Variants in ALMS1 observed in about 807,000 individuals in gnomAD.
ALMS1 encodes ALMS1 centrosome and basal body associated protein.
In ALMS1, 271 loss-of-function variants were observed where a neutral mutation model predicts 352.2. The ratio of observed to expected loss-of-function variants is 0.77; its 90% CI spans 0.70 to 0.85. The LOEUF (loss-of-function observed/expected upper bound fraction) is 0.85, where lower values mean the gene tolerates loss of function less well. ALMS1 is among the 40% of genes least tolerant of loss of function. The pLI, the probability that ALMS1 is intolerant of heterozygous loss-of-function variation, is 0.00. For synonymous variants in ALMS1, 1,865 were observed against 1,761.2 expected, an observed-to-expected ratio of 1.06 and a Z score of -1.48; for missense variants, 5,445 against 4,870.7, an observed-to-expected ratio of 1.12 and a Z score of -3.51.
chr2:73,597,622 T>G (rs1378650880), intron 16 of ALMS1, among the ~76,000 whole-genome samples: 1 of 152,228 alleles, frequency 6.6e-6, no homozygotes, highest in Non-Finnish European at 1.5e-5. Flanking sequence ...GTGTTTTATA[T>G]TTTACCATCT....
intron 13 of ALMS1, among the ~76,000 whole-genome samples, chr2:73,553,677 T>G (rs1453782302): frequency 6.6e-6 from 1 of 152,206 alleles, no homozygotes. Context: ...ATACTAAATA[T>G]AAACTTAATT....
At chr2:73,509,425 C>T (rs1278543499) in intron 10 of ALMS1, among the ~76,000 whole-genome samples, 1 of 152,038 alleles carries the variant, frequency 6.6e-6, no homozygotes, top group Non-Finnish European at 1.5e-5. Context: ...TTTAGTGCTT[C>T]CTTCAGGAGG....
intron 9 of ALMS1, among the ~76,000 whole-genome samples, chr2:73,465,848 A>G (rs890469402): frequency 1.3e-5 from 2 of 152,254 alleles, no homozygotes; most frequent in Non-Finnish European, 2.9e-5. Flanking sequence ...ACTTCTCAAA[A>G]GAAGACATTT....
At position 73,490,045 on chromosome 2, in the gene ALMS1, T is replaced by G; in HGVS notation, c.8086T>G (p.Phe2696Val). Reference sequence around the variant, plus strand: ...TTTTGTGCCACCTAAAGAAGTGGATTTTCATTCTTCATCACAAATGCCGTC... The same window carrying G: ...TTTTGTGCCACCTAAAGAAGTGGATGTTCATTCTTCATCACAAATGCCGTC... ...PAFVPPKEVDFHSSSQMPSPE... is the reference protein window; with the variant it reads ...PAFVPPKEVDVHSSSQMPSPE... The change falls in exon 10 of 23, where the codon TTT becomes GTT. Residue 2696 changes from phenylalanine (F) to valine (V), a missense_variant. By Grantham distance (50) the Phe-to-Val change is conservative. Coordinates refer to ENST00000613296, the MANE Select transcript of ALMS1 (RefSeq NM_001378454.1). 1 of 1,614,188 alleles carries G rather than the reference T, an allele frequency of 6.2e-7. No individual in the cohort carries two copies. The highest frequency in any genetic ancestry group is 8.5e-7 in the Non-Finnish European group (1 of 1,180,032).
At position 73,573,277 on chromosome 2, in the gene ALMS1, C is replaced by A; in HGVS notation, c.11400C>A (p.Cys3800Ter). 1.2e-6 allele frequency: 2 copies of A among 1,614,046 alleles called. No individual in the cohort carries two copies. Among genetic ancestry groups the A allele is most frequent in the Non-Finnish European group, 1.7e-6 (2 of 1,179,962 alleles). Reference sequence around the variant, plus strand: ...AAGCTTTTGGCCATGAAAGAGTATGCTTGTCACCCAGACGAATTAAATTAT... The same window carrying A: ...AAGCTTTTGGCCATGAAAGAGTATGATTGTCACCCAGACGAATTAAATTAT... Reference protein sequence around the residue: ...LIQAFGHERVCLSPRRIKLYS... With the variant: ...LIQAFGHERV Residue 3800 changes from cysteine to a stop codon, truncating the protein, a stop_gained, in exon 16 of 23, where the codon TGC becomes TGA. Transcript: ENST00000613296. LOFTEE classifies it high-confidence loss of function.
At position 73,452,211 on chromosome 2, in the gene ALMS1, C is replaced by T; in HGVS notation, c.5684C>T (p.Ser1895Phe). 2 of 1,613,994 alleles carry T rather than the reference C, an allele frequency of 1.2e-6. No homozygotes were observed. Among genetic ancestry groups the T allele is most frequent in the South Asian group, 2.2e-5 (2 of 91,070 alleles). The change falls in exon 8 of 23, where the codon TCC (serine) becomes TTC (phenylalanine). Residue 1895 changes from serine to phenylalanine, a missense_variant. Coordinates refer to ENST00000613296, the MANE Select transcript of ALMS1 (RefSeq NM_001378454.1). ...GGGATACAAATAGCATCCTCTAGTT[C>T]CTACTCAAATAGAGAGAAGGCCAGT... ...KTGIQIASSSSYSNREKASIF... is the reference protein window; with the variant it reads ...KTGIQIASSSFYSNREKASIF...
intron 10 of ALMS1, among the ~76,000 whole-genome samples, chr2:73,512,657 C>T (rs114305635): frequency 0.015 from 2,265 of 152,072 alleles, 34 homozygotes; most frequent in Non-Finnish European, 0.018. Context: ...ACCAAGTTTT[C>T]TTATTCTATT....
chr2:73,609,541 C>T, intron 22 of ALMS1, 27 bp from the exon 23 acceptor site: 3 of 1,613,338 alleles, frequency 1.9e-6, no homozygotes, highest in Non-Finnish European at 1.7e-6. Flanking sequence ...TATCTAACTT[C>T]TTTCCTGCCT....
At chr2:73,571,720 A>AT (rs1342652820) in intron 15 of ALMS1, among the ~76,000 whole-genome samples, 1 of 152,184 alleles carries the variant, frequency 6.6e-6, no homozygotes, top group African/African-American at 2.4e-5. Context: ...TTTTACCACA[A>AT]TAAAAAAAAA....
chr2:73,489,398 A>G (rs72909392), intron 9 of ALMS1, among the ~76,000 whole-genome samples: 1 of 152,206 alleles, frequency 6.6e-6, no homozygotes, highest in African/African-American at 2.4e-5. Context: ...TGTTTACTTT[A>G]GTGGAAATTT....
chr2:73,574,734 C>T (rs1675016957), intron 16 of ALMS1, among the ~76,000 whole-genome samples: 1 of 151,984 alleles, frequency 6.6e-6, no homozygotes, highest in African/African-American at 2.4e-5. Flanking sequence ...ATAAATGGAT[C>T]CAGGAGAGGG....
intron 7 of ALMS1, among the ~76,000 whole-genome samples, chr2:73,433,211 T>C (rs1671545872): frequency 6.6e-6 from 1 of 152,212 alleles, no homozygotes; most frequent in Admixed American, 6.5e-5. Context: ...TGTCAGCCTG[T>C]ATAGAATCTC....
chr2:73,500,163 T>C (rs1572976968), intron 10 of ALMS1, among the ~76,000 whole-genome samples: 1 of 152,232 alleles, frequency 6.6e-6, no homozygotes, highest in East Asian at 1.9e-4. Context: ...TGTTATGAAA[T>C]GACAAGTCTT....
At chr2:73,600,950 CTG>C in intron 18 of ALMS1, 69 bp downstream of exon 18, 3 of 1,534,272 alleles carry the variant, frequency 2.0e-6, no homozygotes, top group Non-Finnish European at 2.7e-6. Flanking sequence ...GATGCTGACT[CTG>C]TGTTTCCAAG....
intron 2 of ALMS1, among the ~76,000 whole-genome samples, chr2:73,417,938 G>A (rs893985067): frequency 6.6e-6 from 1 of 152,190 alleles, no homozygotes; most frequent in Non-Finnish European, 1.5e-5. Flanking sequence ...TCCATGATTT[G>A]CTTGTTACTG....
At chr2:73,480,524 C>T (rs865958192) in intron 9 of ALMS1, among the ~76,000 whole-genome samples, 21 of 151,880 alleles carry the variant, frequency 1.4e-4, no homozygotes, top group African/African-American at 4.1e-4. Context: ...TGAATAATGC[C>T]GCAATAAACA....
intron 9 of ALMS1, among the ~76,000 whole-genome samples, chr2:73,463,842 C>G (rs945751505): frequency 1.3e-5 from 2 of 149,052 alleles, no homozygotes; most frequent in African/African-American, 4.9e-5. Flanking sequence ...ACTAGAAAAT[C>G]TAGAAGAAAT....
At chr2:73,570,645 C>CCCGTAGAGAGGGAGAA (rs59394329) in intron 15 of ALMS1, among the ~76,000 whole-genome samples, 3 of 151,712 alleles carry the variant, frequency 2.0e-5, no homozygotes, top group Admixed American at 6.6e-5. Flanking sequence ...ATGGAAATGA[C>CCCGTAGAGAGGGAGAA]CCTGAAAGAT....
intron 10 of ALMS1, among the ~76,000 whole-genome samples, chr2:73,512,598 A>G (rs1392758966): frequency 6.6e-6 from 1 of 152,108 alleles, no homozygotes; most frequent in Non-Finnish European, 1.5e-5. Context: ...TATTCTGGAT[A>G]CAAATTCTTT....
Sources: allele counts gnomAD v4.1 joint callset (sites outside exome capture counted in the v4.1 genomes callset), GRCh38; gene constraint gnomAD v4.1.1; transcripts MANE v1.5; gene names NCBI Gene and HGNC (gene_info 2026-07-23, HGNC 2026-07-21).